ZER1: variants seen among roughly 807,000 people sequenced by gnomAD.
The protein encoded by ZER1 is zyg-11 related cell cycle regulator, also known as protein zer-1 homolog.
ZER1 carries 11 observed loss-of-function variants against 78.8 expected under a neutral mutation model. The observed-to-expected ratio is 0.14, with a 90% CI of 0.09 to 0.23. ZER1 has a LOEUF of 0.23. Among genes scored for constraint, ZER1 ranks in the 10% least tolerant of loss-of-function variants. ZER1 has a pLI of 1.00. For missense variants in ZER1, 588 were observed against 996.9 expected (o/e 0.59, Z 5.52); for synonymous variants, 400 against 407.0 (o/e 0.98, Z 0.21).
rs1462658986 is a variant in ZER1, at chr9:128,753,971, A to C, written c.159-12T>G. ...CCAGCTCCACATACCTGGGAGAGAA[A>C]AAAGCCTGGCTCAGGAGAGGGCCAC... On this transcript the variant is annotated splice_polypyrimidine_tract_variant and intron_variant, in intron 2 of 15. Coordinates refer to ENST00000291900, the MANE Select transcript of ZER1 (RefSeq NM_006336.4). The surrounding 1 kb of genome is among the most constrained non-coding windows in gnomAD (Gnocchi z 7.5). The C allele has an allele frequency of 6.3e-7, 1 of 1,577,894 alleles. No individual in the cohort carries two copies.
At position 128,740,581 on chromosome 9, in the gene ZER1, A is replaced by G. The variant is rs1315295828; in HGVS notation, c.1853+191T>C. Among the ~76,000 whole-genome samples the G allele has an allele frequency of 1.5e-5, 2 of 130,244 alleles. No individual in the cohort carries two copies. The highest frequency in any genetic ancestry group is 3.0e-5 in the Non-Finnish European group (2 of 66,274). 85.4% of individuals were successfully genotyped at this position (130,244 alleles called of 152,430 possible). On this transcript the variant is annotated intron_variant, in intron 12 of 15. Coordinates refer to ENST00000291900, the MANE Select transcript of ZER1 (RefSeq NM_006336.4). This position sits in a 1 kb window ranked among gnomAD's most constrained non-coding sequence, Gnocchi z 4.4. ...GGTGACAGAGCAAGACTCCATCTCA[A>G]AAAAAAAAAAAAAGATATAATTACA... is the stretch of plus-strand genomic sequence containing the variant.
intron 8 of ZER1, among the ~76,000 whole-genome samples, chr9:128,743,276 C>T (rs904680342): frequency 2.0e-5 from 3 of 151,854 alleles, no homozygotes; most frequent in Non-Finnish European, 2.9e-5. Context: ...CCACCATGCC[C>T]GGCTAATTTT....
chr9:128,757,069 A>G (rs1863882027), intron 1 of ZER1, among the ~76,000 whole-genome samples: 2 of 152,212 alleles, frequency 1.3e-5, no homozygotes, highest in African/African-American at 4.8e-5. Flanking sequence ...TTAATTTGAG[A>G]TAGATGATAG....
chr9:128,752,953 G>A, intron 4 of ZER1, 104 bp from the exon 5 acceptor site: 5 of 1,430,740 alleles, frequency 3.5e-6, no homozygotes, highest in Non-Finnish European at 4.7e-6. Context: ...GCCCATTCCT[G>A]CCACAACTTC....
At position 128,751,052 on chromosome 9, in the gene ZER1, G is replaced by T; in HGVS notation, c.1185+70C>A. ...AGAAGGACACAGGCTCTGGGGACAC[G>T]GCTCAGCCAAGCCCGGCAACCTCCA... On this transcript the variant is annotated intron_variant, in intron 7 of 15. Coordinates refer to ENST00000291900, the MANE Select transcript of ZER1 (RefSeq NM_006336.4). This position sits in a 1 kb window ranked among gnomAD's most constrained non-coding sequence, Gnocchi z 5.4. The T allele has an allele frequency of 1.3e-6, 2 of 1,520,052 alleles. No homozygotes were observed. Among genetic ancestry groups the T allele is most frequent in the South Asian group, 1.3e-5 (1 of 78,184 alleles). The allele number at this position is 1,520,052 out of a possible 1,614,324, so 94.2% of individuals were successfully genotyped here.
chr9:128,735,781 T>TGAGACGGAG (rs1863053934), intron 13 of ZER1, among the ~76,000 whole-genome samples: 1 of 136,144 alleles, frequency 7.3e-6, no homozygotes, highest in Non-Finnish European at 1.6e-5. Context: ...TTTTTTTTTT[T>TGAGACGGAG]TTTTTTTTTT....
intron 1 of ZER1, among the ~76,000 whole-genome samples, chr9:128,771,347 T>A (rs1864377100): frequency 6.6e-6 from 1 of 152,118 alleles, no homozygotes; most frequent in Non-Finnish European, 1.5e-5. Context: ...CCTACACCGA[T>A]CCCCCATCTT....
intron 13 of ZER1, among the ~76,000 whole-genome samples, chr9:128,739,364 G>A (rs1237291033): frequency 3.3e-5 from 5 of 151,816 alleles, no homozygotes; most frequent in African/African-American, 7.3e-5. Flanking sequence ...TTAACCGGGC[G>A]TGGTGGCGGG....
rs1295809670 is a variant in ZER1 at position 128,740,048 on chromosome 9, A to G, written c.1925T>C (p.Met642Thr). The G allele has an allele frequency of 6.2e-6, 10 of 1,613,902 alleles. No individual in the cohort carries two copies. Among genetic ancestry groups the G allele is most frequent in the African/African-American group, 1.3e-5 (1 of 74,904 alleles). The change falls in exon 13 of 16, where the codon ATG (methionine) becomes ACG (threonine). Residue 642 changes from methionine (M) to threonine (T), a missense_variant. Coordinates refer to ENST00000291900, the MANE Select transcript of ZER1 (RefSeq NM_006336.4). This position sits in a 1 kb window ranked among gnomAD's most constrained non-coding sequence, Gnocchi z 4.4. ...GCCCCAGGCCTCGGGTCCATCAAAC[A>G]TGATGTGGGAGAGGACGCCGCAGGC... ...YNACGVLSHI[M>T]FDGPEAWGVC... is the part of the protein sequence containing the mutation.
intron 15 of ZER1, 35 bp from the exon 16 acceptor site, chr9:128,731,429 GGCTTGGGTGGGGGTGA>G: frequency 7.0e-7 from 1 of 1,428,284 alleles, no homozygotes; most frequent in Non-Finnish European, 9.8e-7. Flanking sequence ...TTGGAGGGTG[GGCTTGGGTGGGGGTGA>G]GCCCAGCCCC....
chr9:128,745,204 T>G (rs1564397936), intron 8 of ZER1, among the ~76,000 whole-genome samples: 1 of 149,876 alleles, frequency 6.7e-6, no homozygotes, highest in Non-Finnish European at 1.5e-5. Flanking sequence ...TTTGGGTTTT[T>G]TTTTTTTTTT....
chr9:128,756,130 C>T (rs1024740536), intron 1 of ZER1, among the ~76,000 whole-genome samples: 1 of 152,192 alleles, frequency 6.6e-6, no homozygotes, highest in African/African-American at 2.4e-5. Flanking sequence ...CTTACAAGAG[C>T]AATGAAAACA....
At position 128,733,531 on chromosome 9, in the gene ZER1, G is replaced by A. The variant is rs995395718; in HGVS notation, c.2141-3C>T. 5 of 1,612,108 alleles carry A rather than the reference G, an allele frequency of 3.1e-6. No individual in the cohort carries two copies. The African/African-American group carries it at 5.3e-5, about 17-fold the overall frequency. On this transcript the variant is annotated splice_region_variant and splice_polypyrimidine_tract_variant and intron_variant, in intron 14 of 15. Coordinates refer to ENST00000291900, the MANE Select transcript of ZER1 (RefSeq NM_006336.4). ...CAGCAGAGGGCAGTACTTGTCCGCT[G>A]TGGGATAGGAGCAGACAGCAGAGGA...
intron 1 of ZER1, among the ~76,000 whole-genome samples, chr9:128,761,157 CAA>C (rs34939675): frequency 2.7e-4 from 17 of 61,882 alleles, no homozygotes; most frequent in Admixed American, 3.7e-4. Context: ...GACTCTGTCT[CAA>C]AAAAAAAAAA....
At chr9:128,734,397 A>G (rs903775915) in intron 14 of ZER1, among the ~76,000 whole-genome samples, 6 of 150,356 alleles carry the variant, frequency 4.0e-5, no homozygotes, top group Middle Eastern at 3.4e-3. Flanking sequence ...GGGTTTCACT[A>G]TGTTGGCCAG....
In ZER1 at chr9:128,767,235, G is replaced by A. The variant is rs144755368; in HGVS notation, c.-95+4346C>T. Among the ~76,000 whole-genome samples the A allele has an allele frequency of 3.4e-3, 509 of 150,696 alleles. 8 individuals are homozygous for A. In the East Asian group the frequency reaches 0.036, roughly 11 times the overall value. ...TGGGATTACAGGTGTGAGCCACTGC[G>A]GTCGGCCTATTTATTTATTTTTCTT... On this transcript the variant is annotated intron_variant, in intron 1 of 15. Coordinates refer to ENST00000291900, the MANE Select transcript of ZER1 (RefSeq NM_006336.4).
chr9:128,753,595 C>A lies in ZER1; in HGVS notation c.315G>T (p.Leu105=). ...QDLEAIRKQD[L]VELYLTNCEK... ...CGCAGTTAGTCAGGTACAGCTCCAC[C>A]AGGTCCTGGGAGTGGGCACAGCTCC... Residue 105 remains leucine, a synonymous_variant, in exon 4 of 16, where the codon CTG becomes CTT. Coordinates refer to ENST00000291900, the MANE Select transcript of ZER1 (RefSeq NM_006336.4). The surrounding 1 kb of genome is among the most constrained non-coding windows in gnomAD (Gnocchi z 7.5). 1 of 1,613,022 alleles carries A rather than the reference C, an allele frequency of 6.2e-7. No individual in the cohort carries two copies. The highest frequency in any genetic ancestry group is 8.5e-7 in the Non-Finnish European group (1 of 1,179,720).
At position 128,745,436 on chromosome 9, in the gene ZER1, G is replaced by A. The variant is rs967592479; in HGVS notation, c.1360-2691C>T. ...GAGTGCAGTGGCATGATCCTGGCTCGCTGCAACCACCTTCCAGTGCAAGCG... is the reference window on the plus strand; with the variant it reads ...GAGTGCAGTGGCATGATCCTGGCTCACTGCAACCACCTTCCAGTGCAAGCG... On this transcript the variant is annotated intron_variant, in intron 8 of 15. Transcript: ENST00000291900. 9.4e-5 allele frequency among the ~76,000 whole-genome samples: 14 copies of A among 149,660 alleles called. No homozygotes were observed. The East Asian group carries it at 2.4e-3, about 26-fold the overall frequency.
intron 13 of ZER1, among the ~76,000 whole-genome samples, chr9:128,738,109 A>T (rs1589518877): frequency 7.0e-6 from 1 of 142,246 alleles, no homozygotes; most frequent in African/African-American, 2.6e-5. Context: ...CAGTGGCGCG[A>T]TCTTGGCTAA....
Sources: allele counts gnomAD v4.1 joint callset (sites outside exome capture counted in the v4.1 genomes callset), GRCh38; gene constraint gnomAD v4.1.1; non-coding constraint Gnocchi (gnomAD v3.1); transcripts MANE v1.5; gene names NCBI Gene and HGNC (gene_info 2026-07-23, HGNC 2026-07-21).